FREM2: variants seen among roughly 807,000 people sequenced by gnomAD.
The protein encoded by FREM2 is FRAS1 related extracellular matrix 2.
In FREM2, 119 loss-of-function variants were observed where a neutral mutation model predicts 219.9. That is an observed-to-expected ratio of 0.54 (90% CI 0.47 to 0.63). The LOEUF (loss-of-function observed/expected upper bound fraction) is 0.63. FREM2 is among the 30% of genes least tolerant of loss of function. FREM2 has a pLI of 0.00. For synonymous variants in FREM2, 1,562 were observed against 1,522.8 expected (o/e 1.03, Z -0.60); for missense variants, 4,030 against 3,993.6 (o/e 1.01, Z -0.25).
At chr13:38,764,575 A>T (rs1428735803) in intron 3 of FREM2, 125 bp downstream of exon 3, 57 of 625,858 alleles carry the variant, frequency 9.1e-5, no homozygotes, top group Non-Finnish European at 2.8e-6. Flanking sequence ...AAAGTTCTCT[A>T]ACTGCTAAAG....
intron 6 of FREM2, among the ~76,000 whole-genome samples, chr13:38,841,208 C>G (rs922588559): frequency 6.6e-6 from 1 of 152,158 alleles, no homozygotes; most frequent in African/African-American, 2.4e-5. Flanking sequence ...ACTATGGTAT[C>G]TAGCAATTAA....
intron 6 of FREM2, among the ~76,000 whole-genome samples, chr13:38,845,537 A>G (rs1485715884): frequency 6.6e-6 from 1 of 152,222 alleles, no homozygotes; most frequent in East Asian, 1.9e-4. Flanking sequence ...CTGTTCATAC[A>G]TGGTAACTAT....
At chr13:38,712,640 TTTCTCTCTCTCACA>T (rs888390989) in intron 2 of FREM2, among the ~76,000 whole-genome samples, 4 of 72,600 alleles carry the variant, frequency 5.5e-5, no homozygotes, top group African/African-American at 2.6e-4. Flanking sequence ...TTACTCTCTC[TTTCTCTCTCTCACA>T]CACACACACA....
chr13:38,846,839 G>GT (rs1265524243), intron 7 of FREM2, 117 bp downstream of exon 7: 5 of 1,158,596 alleles, frequency 4.3e-6, no homozygotes, highest in African/African-American at 1.5e-5. Context: ...TGGGTATATT[G>GT]TTTTTGCTGA....
At chr13:38,749,878 A>T (rs1267624116) in intron 2 of FREM2, among the ~76,000 whole-genome samples, 2 of 152,208 alleles carry the variant, frequency 1.3e-5, no homozygotes, top group African/African-American at 4.8e-5. Context: ...TCTCTGCAGT[A>T]ATCATTGTCT....
chr13:38,766,550 C>G (rs1259093064), intron 3 of FREM2, among the ~76,000 whole-genome samples: 1 of 152,196 alleles, frequency 6.6e-6, no homozygotes, highest in East Asian at 1.9e-4. Flanking sequence ...TGTGCCCATA[C>G]AACCTCTGCT....
At chr13:38,763,533 T>C (rs1318486859) in intron 2 of FREM2, among the ~76,000 whole-genome samples, 1 of 150,248 alleles carries the variant, frequency 6.7e-6, no homozygotes, top group Non-Finnish European at 1.5e-5. Context: ...TTTGTAAACC[T>C]CACCTTACTC....
intron 6 of FREM2, among the ~76,000 whole-genome samples, chr13:38,794,844 T>C (rs1225684469): frequency 6.6e-6 from 1 of 152,146 alleles, no homozygotes; most frequent in Non-Finnish European, 1.5e-5. Flanking sequence ...CATACAATAC[T>C]AACAGCTGCC....
chr13:38,862,975 T>C (rs141908336), intron 15 of FREM2, among the ~76,000 whole-genome samples: 1 of 152,288 alleles, frequency 6.6e-6, no homozygotes, highest in East Asian at 1.9e-4. Context: ...TGCTAAAATA[T>C]TTACTATTTG....
Position 38,692,403 on chromosome 13 carries a change from G to T in FREM2, c.5059G>T (p.Glu1687Ter), listed in dbSNP as rs148965852. 5.6e-5 allele frequency: 90 copies of T among 1,611,944 alleles called. No homozygotes were observed. In the Middle Eastern group the frequency reaches 1.5e-3, roughly 27 times the overall value. ...GATCACAAGCAAAATATTGAAAGTG[G>T]AGGACAGAGACAGCTTACACATTTC... ...FMITSKILKV[E>*]DRDSLHISLR... is the part of the protein sequence containing the mutation. Residue 1687 changes from glutamate (E) to a stop codon, truncating the protein, a stop_gained, in exon 1 of 24, where the codon GAG becomes TAG. Coordinates refer to ENST00000280481, the MANE Select transcript of FREM2 (RefSeq NM_207361.6). LOFTEE classifies it high-confidence loss of function.
chr13:38,764,419 T>C lies in FREM2; in HGVS notation c.5379T>C (p.Arg1793=), dbSNP rs757442342. Residue 1793 remains arginine, a synonymous_variant, in exon 3 of 24, where the codon CGT becomes CGC. Coordinates refer to ENST00000280481, the MANE Select transcript of FREM2 (RefSeq NM_207361.6). The part of the protein sequence containing the change: ...DSKFLDVVLK[R]RGYLGETSFI... ...AATTTCTAGATGTTGTTCTTAAACG[T>C]AGAGGTTACTTGGGAGAAACTTCTT... 15 of 1,587,864 alleles carry C rather than the reference T, an allele frequency of 9.4e-6. No individual in the cohort carries two copies. In the South Asian group the frequency reaches 1.5e-4, roughly 16 times the overall value.
chr13:38,780,669 C>A (rs181072630), intron 4 of FREM2, among the ~76,000 whole-genome samples: 4 of 152,196 alleles, frequency 2.6e-5, no homozygotes, highest in African/African-American at 9.7e-5. Flanking sequence ...GCAGCACAAC[C>A]TACAGCAACC....
intron 6 of FREM2, among the ~76,000 whole-genome samples, chr13:38,820,219 G>T (rs1013878470): frequency 6.6e-6 from 1 of 152,068 alleles, no homozygotes; most frequent in Admixed American, 6.6e-5. Flanking sequence ...CGGTGAAAAT[G>T]GTTGCCTTTC....
intron 2 of FREM2, among the ~76,000 whole-genome samples, chr13:38,714,889 C>T (rs1159399172): frequency 7.3e-5 from 11 of 151,476 alleles, no homozygotes; most frequent in Non-Finnish European, 1.5e-4. Context: ...AGTTCGAGAC[C>T]AGCCTGGCCA....
chr13:38,812,822 G>A (rs1875546950), intron 6 of FREM2, among the ~76,000 whole-genome samples: 1 of 151,594 alleles, frequency 6.6e-6, no homozygotes, highest in African/African-American at 2.4e-5. Context: ...GATTGAGGCT[G>A]CAGTGAGCCT....
rs1051576081 is a variant in FREM2, at chr13:38,860,342, T to C, written c.7519+752T>C. Among the ~76,000 whole-genome samples the C allele has an allele frequency of 2.8e-4, 43 of 152,240 alleles. 1 individual carries two copies. Among genetic ancestry groups the C allele is most frequent in the African/African-American group, 8.4e-4 (35 of 41,556 alleles). On this transcript the variant is annotated intron_variant, in intron 14 of 23. Coordinates refer to ENST00000280481, the MANE Select transcript of FREM2 (RefSeq NM_207361.6). ...GAATAGGATGTGGCTGGGGACAACA[T>C]TGGAAAGACAGGAAATCCACTGTAT...
At chr13:38,718,639 CCT>C (rs1871102923) in intron 2 of FREM2, among the ~76,000 whole-genome samples, 1 of 151,374 alleles carries the variant, frequency 6.6e-6, no homozygotes, top group African/African-American at 2.4e-5. Context: ...CCAGTTTCTC[CCT>C]CTCTCTTTTT....
chr13:38,755,490 T>TA (rs1440988225), intron 2 of FREM2, among the ~76,000 whole-genome samples: 1 of 152,206 alleles, frequency 6.6e-6, no homozygotes, highest in Non-Finnish European at 1.5e-5. Context: ...AATTTCCACT[T>TA]ACACTGCTTT....
intron 2 of FREM2, among the ~76,000 whole-genome samples, chr13:38,761,566 G>A (rs1037834620): frequency 4.6e-5 from 7 of 152,168 alleles, no homozygotes; most frequent in African/African-American, 1.4e-4. Context: ...AATTATTGAT[G>A]TAAATTAGTA....
Sources: gnomAD v4.1 joint callset for allele counts (sites outside exome capture counted in the v4.1 genomes callset) on GRCh38, gnomAD v4.1.1 for gene constraint, MANE v1.5 for transcripts, NCBI Gene and HGNC (gene_info 2026-07-23, HGNC 2026-07-21) for gene names.